MAN1A2: variants seen among roughly 807,000 people sequenced by gnomAD.
MAN1A2 encodes mannosidase alpha class 1A member 2, also known as mannosyl-oligosaccharide 1,2-alpha-mannosidase IB.
MAN1A2 carries 26 observed loss-of-function variants against 75.7 expected under a neutral mutation model. The observed-to-expected ratio is 0.34, with a 90% CI of 0.25 to 0.48. The LOEUF (loss-of-function observed/expected upper bound fraction) is 0.48. Among genes scored for constraint, MAN1A2 ranks in the 20% least tolerant of loss-of-function variants. The pLI is 0.99. For synonymous variants in MAN1A2, 247 were observed against 264.6 expected, an observed-to-expected ratio of 0.93 and a Z score of 0.65; for missense variants, 562 against 775.5, an observed-to-expected ratio of 0.72 and a Z score of 3.27.
chr1:117,525,439 C>G lies in MAN1A2; in HGVS notation c.*2482C>G, dbSNP rs1651987045. 1 of 179,784 alleles carries G rather than the reference C, an allele frequency of 5.6e-6. No homozygotes were observed. The highest frequency in any genetic ancestry group is 1.3e-4 in the East Asian group (1 of 7,428). The allele number at this position is 179,784 out of a possible 1,614,324, so 11.1% of individuals were successfully genotyped here. ...TCTTATCCCATATAATGCTTAGCTT[C>G]CAAGAATATTCTTTACTTTCTTCTG... On this transcript the variant is annotated 3_prime_UTR_variant, in exon 13 of 13. Transcript: ENST00000356554.
intron 1 of MAN1A2, among the ~76,000 whole-genome samples, chr1:117,372,600 T>C (rs993095589): frequency 6.6e-6 from 1 of 152,132 alleles, no homozygotes; most frequent in Non-Finnish European, 1.5e-5. Context: ...AATGTGTAGT[T>C]TGGTGTTGAT....
chr1:117,514,772 C>A, intron 12 of MAN1A2: 1 of 520,774 alleles, frequency 1.9e-6, no homozygotes, highest in Non-Finnish European at 3.9e-6. Context: ...GGGGAAAAAA[C>A]GGTTAGAGAA....
intron 8 of MAN1A2, among the ~76,000 whole-genome samples, chr1:117,480,101 C>T (rs917016109): frequency 6.6e-6 from 1 of 151,858 alleles, no homozygotes; most frequent in African/African-American, 2.4e-5. Flanking sequence ...TCATGTGGTT[C>T]TTTCCATTGT....
chr1:117,385,621 G>T (rs989101836), intron 1 of MAN1A2, among the ~76,000 whole-genome samples: 1 of 152,132 alleles, frequency 6.6e-6, no homozygotes, highest in African/African-American at 2.4e-5. Context: ...TGAGTTAAAG[G>T]CATGTGCTTA....
chr1:117,447,865 C>T (rs1649288536), intron 6 of MAN1A2, among the ~76,000 whole-genome samples: 1 of 152,104 alleles, frequency 6.6e-6, no homozygotes, highest in Non-Finnish European at 1.5e-5. Flanking sequence ...GTGATGCCTC[C>T]AGCTTTGTTC....
chr1:117,480,616 A>C (rs1650466433), intron 8 of MAN1A2, among the ~76,000 whole-genome samples: 1 of 151,800 alleles, frequency 6.6e-6, no homozygotes, highest in African/African-American at 2.4e-5. Flanking sequence ...ATCCTACCCC[A>C]TGCTGCCTCA....
chr1:117,446,441 C>T (rs891134670), intron 6 of MAN1A2, among the ~76,000 whole-genome samples: 4 of 152,008 alleles, frequency 2.6e-5, no homozygotes, highest in African/African-American at 7.2e-5. Context: ...CTATAAATTT[C>T]CCTCCAAGGA....
At chr1:117,372,239 G>A (rs952106440) in intron 1 of MAN1A2, among the ~76,000 whole-genome samples, 19 of 152,254 alleles carry the variant, frequency 1.2e-4, no homozygotes, top group Non-Finnish European at 2.5e-4. Flanking sequence ...GGCTTAGATC[G>A]CAGTGGTGAT....
Position 117,368,160 on chromosome 1 carries a change from G to C in MAN1A2, c.-24G>C. On this transcript the variant is annotated 5_prime_UTR_variant, in exon 1 of 13. Coordinates refer to ENST00000356554, the MANE Select transcript of MAN1A2 (RefSeq NM_006699.5). ...TGACATAAGATGAGAACTTTCTAAA[G>C]TATTCTCTCCAAGAGCGTAAACGAT... 1 of 1,571,472 alleles carries C rather than the reference G, an allele frequency of 6.4e-7. No homozygotes were observed.
chr1:117,486,447 A>C (rs184480422), intron 8 of MAN1A2, among the ~76,000 whole-genome samples: 155 of 152,098 alleles, frequency 1.0e-3, no homozygotes, highest in Middle Eastern at 3.4e-3. Flanking sequence ...GTAAAAATAT[A>C]GTCAAAAAAG....
intron 8 of MAN1A2, among the ~76,000 whole-genome samples, chr1:117,486,462 C>A (rs542609383): frequency 6.6e-6 from 1 of 151,932 alleles, no homozygotes; most frequent in African/African-American, 2.4e-5. Context: ...AAAAAGGGAT[C>A]CCACAGGAGA....
At chr1:117,400,521 A>T (rs1647388900) in intron 1 of MAN1A2, among the ~76,000 whole-genome samples, 1 of 150,890 alleles carries the variant, frequency 6.6e-6, no homozygotes. Context: ...CCCATCCCTC[A>T]TCCATAACTC....
At chr1:117,502,820 A>G in intron 11 of MAN1A2, 35 bp from the exon 12 acceptor site, 2 of 1,105,216 alleles carry the variant, frequency 1.8e-6, no homozygotes, top group Non-Finnish European at 2.7e-6. Context: ...TTGAAATTCT[A>G]CGGAATTGCT....
intron 6 of MAN1A2, among the ~76,000 whole-genome samples, chr1:117,457,387 A>T (rs1019411763): frequency 6.6e-6 from 1 of 151,618 alleles, no homozygotes; most frequent in Non-Finnish European, 1.5e-5. Flanking sequence ...GCATGAAATG[A>T]TGATCCGGTT....
chr1:117,460,452 A>G (rs374196783), intron 6 of MAN1A2, 37 bp from the exon 7 acceptor site: 19 of 1,537,208 alleles, frequency 1.2e-5, no homozygotes, highest in Non-Finnish European at 1.5e-5. Flanking sequence ...GTCTTTTCCC[A>G]ATCCTGTGTC....
chr1:117,446,607 T>C (rs1460549129), intron 6 of MAN1A2, among the ~76,000 whole-genome samples: 2 of 152,172 alleles, frequency 1.3e-5, no homozygotes, highest in African/African-American at 2.4e-5. Flanking sequence ...AGATATCTTA[T>C]TGTTTTGATT....
rs1265546098 is a variant in MAN1A2 at position 117,528,864 on chromosome 1, A to C, written c.*5907A>C. 1.3e-5 allele frequency: 2 copies of C among 152,132 alleles called. No homozygotes were observed. Among genetic ancestry groups the C allele is most frequent in the Non-Finnish European group, 2.9e-5 (2 of 68,012 alleles). The allele number at this position is 152,132 out of a possible 1,614,324, so 9.4% of individuals were successfully genotyped here. On this transcript the variant is annotated 3_prime_UTR_variant, in exon 13 of 13. Coordinates refer to ENST00000356554, the MANE Select transcript of MAN1A2 (RefSeq NM_006699.5). ...TAAAGTTCAAATAAAGATGTTCTTT[A>C]AGTGAAAATTCTTTGTTTAGCCTTC... is the stretch of plus-strand genomic sequence containing the variant.
intron 1 of MAN1A2, among the ~76,000 whole-genome samples, chr1:117,397,130 G>C (rs1460444308): frequency 6.6e-6 from 1 of 152,040 alleles, no homozygotes; most frequent in East Asian, 1.9e-4. Context: ...GGACCAGTCT[G>C]GTTAGTCTTT....
At chr1:117,452,936 G>A (rs1281540335) in intron 6 of MAN1A2, among the ~76,000 whole-genome samples, 1 of 152,198 alleles carries the variant, frequency 6.6e-6, no homozygotes, top group Non-Finnish European at 1.5e-5. Flanking sequence ...TGATAGAGCT[G>A]ATGATTTTAA....
Sources: gnomAD v4.1 joint callset for allele counts (sites outside exome capture counted in the v4.1 genomes callset) on GRCh38, gnomAD v4.1.1 for gene constraint, MANE v1.5 for transcripts, NCBI Gene and HGNC (gene_info 2026-07-23, HGNC 2026-07-21) for gene names.